The following GSE1 variants were observed in gnomAD, a reference collection of about 807,000 sequenced individuals.
GSE1 encodes the protein genetic suppressor element 1.
In GSE1, 32 loss-of-function variants were observed where a neutral mutation model predicts 112.6. That is an observed-to-expected ratio of 0.28 (90% confidence interval 0.21 to 0.38). The LOEUF (loss-of-function observed/expected upper bound fraction) is 0.38. Ranked by LOEUF, GSE1 falls within the 10% of genes least tolerant of loss-of-function variation. The probability of loss-of-function intolerance (pLI) is 1.00; values close to 1 mark genes in which losing one functional copy is unlikely to be tolerated. For synonymous variants in GSE1, 1,115 were observed against 735.6 expected, an observed-to-expected ratio of 1.52 and a Z score of -8.35; for missense variants, 2,348 against 1,699.2, an observed-to-expected ratio of 1.38 and a Z score of -6.71.
intron 1 of GSE1, among the ~76,000 whole-genome samples, chr16:85,576,199 G>A (rs761390649): frequency 8.5e-5 from 13 of 152,148 alleles, no homozygotes; most frequent in Non-Finnish European, 1.8e-4. Flanking sequence ...CTTTTACAAT[G>A]CAATTTATTT....
chr16:85,592,628 C>T (rs1385452417), intron 1 of GSE1: 1 of 152,234 alleles, frequency 6.6e-6, no homozygotes, highest in Non-Finnish European at 1.5e-5. Flanking sequence ...AATGCAGCCC[C>T]TCAAGGATGG....
intron 2 of GSE1, among the ~76,000 whole-genome samples, chr16:85,501,303 A>G (rs1198317089): frequency 6.6e-6 from 1 of 151,818 alleles, no homozygotes; most frequent in African/African-American, 2.4e-5. Context: ...CACCCAGCCA[A>G]GTATGGCCTC....
intron 1 of GSE1, among the ~76,000 whole-genome samples, chr16:85,282,244 T>A (rs1478330863): frequency 1.3e-5 from 2 of 152,066 alleles, no homozygotes; most frequent in Non-Finnish European, 2.9e-5. Flanking sequence ...GCCAGGAGGG[T>A]CTGGATCTCT....
At position 85,258,564 on chromosome 16, in the gene GSE1, G is replaced by A. The variant is rs1450493688; in HGVS notation, c.2283+86757G>A. The stretch of plus-strand genomic sequence containing the variant: ...CTTCCCGCCTGCCCTCCAGGTGGAG[G>A]GGGAGCTGGGTGCCAGGGCGCCTCT... On this transcript the variant is annotated intron_variant, in intron 1 of 2. Coordinates refer to the GSE1 transcript ENST00000637419. 3.9e-5 allele frequency among the ~76,000 whole-genome samples: 6 copies of A among 152,098 alleles called. No homozygotes were observed. The East Asian group carries it at 5.8e-4, about 15-fold the overall frequency.
At chr16:85,495,392 C>G (rs889169570) in intron 2 of GSE1, among the ~76,000 whole-genome samples, 5 of 152,108 alleles carry the variant, frequency 3.3e-5, no homozygotes, top group African/African-American at 1.2e-4. Context: ...TACTGTCTTG[C>G]TGGGTTTGAA....
intron 1 of GSE1, among the ~76,000 whole-genome samples, chr16:85,280,703 C>T (rs1597274413): frequency 6.6e-6 from 1 of 152,214 alleles, no homozygotes; most frequent in Non-Finnish European, 1.5e-5. Context: ...GCCACATGGT[C>T]TCTTTAATTT....
chr16:85,383,385 T>C (rs1050116901), intron 2 of GSE1, among the ~76,000 whole-genome samples: 3 of 149,326 alleles, frequency 2.0e-5, no homozygotes, highest in Non-Finnish European at 4.5e-5. Context: ...ACAGCACACA[T>C]ACACTCACAC....
chr16:85,293,358 C>T (rs1360827856), intron 1 of GSE1, among the ~76,000 whole-genome samples: 1 of 152,070 alleles, frequency 6.6e-6, no homozygotes, highest in African/African-American at 2.4e-5. Context: ...CCAGCCTGGT[C>T]AACATGGTGA....
rs577025704 is a variant in GSE1, at chr16:85,232,179, G to A, written c.2283+60372G>A. 1.4e-4 allele frequency among the ~76,000 whole-genome samples: 21 copies of A among 152,310 alleles called. No homozygotes were observed. The South Asian group carries it at 3.7e-3, about 27-fold the overall frequency. ...ATGTTTGTTTCAACAAGGCCACAGC[G>A]AGCCAAGCATTTTTATGACTCCTTC... On this transcript the variant is annotated intron_variant, in intron 1 of 2. Transcript: ENST00000637419.
intron 1 of GSE1, among the ~76,000 whole-genome samples, chr16:85,327,486 C>G (rs984619415): frequency 3.9e-5 from 6 of 152,080 alleles, no homozygotes; most frequent in Non-Finnish European, 5.9e-5. Flanking sequence ...ACCTGTAGTC[C>G]CAGCTACTCC....
chr16:85,636,367 G>A (rs905099233), intron 2 of GSE1, among the ~76,000 whole-genome samples: 4 of 152,168 alleles, frequency 2.6e-5, no homozygotes, highest in Admixed American at 2.0e-4. Context: ...GTCCTGGAAC[G>A]CCCTCAGCCA....
At chr16:85,512,185 G>A (rs1223812834) in intron 2 of GSE1, among the ~76,000 whole-genome samples, 1 of 152,206 alleles carries the variant, frequency 6.6e-6, no homozygotes, top group African/African-American at 2.4e-5. Context: ...TGTGAGGCAG[G>A]GGTGTGGCCC....
At chr16:85,248,449 C>T (rs1193603627) in intron 1 of GSE1, among the ~76,000 whole-genome samples, 3 of 151,776 alleles carry the variant, frequency 2.0e-5, no homozygotes, top group African/African-American at 7.3e-5. Flanking sequence ...CTCCCTTTTT[C>T]TCTCACGCTC....
chr16:85,613,430 TCCTCCCC>T, intron 1 of GSE1, 32 bp downstream of exon 1: 3 of 1,527,576 alleles, frequency 2.0e-6, no homozygotes, highest in South Asian at 1.2e-5. Context: ...GGGGACGGGG[TCCTCCCC>T]CCTCCCCCCA....
At chr16:85,493,684 C>T (rs187251362) in intron 2 of GSE1, among the ~76,000 whole-genome samples, 4 of 146,956 alleles carry the variant, frequency 2.7e-5, no homozygotes, top group South Asian at 2.2e-4. Flanking sequence ...ACCCGGGAGG[C>T]GGAGGTGGAG....
intron 2 of GSE1, among the ~76,000 whole-genome samples, chr16:85,496,206 A>G (rs1007439792): frequency 2.0e-5 from 3 of 152,154 alleles, no homozygotes; most frequent in Non-Finnish European, 2.9e-5. Context: ...TTTGCAGCCA[A>G]TGGCAATTCC....
chr16:85,572,323 C>A (rs1037457634), intron 1 of GSE1, among the ~76,000 whole-genome samples: 1 of 142,910 alleles, frequency 7.0e-6, no homozygotes, highest in East Asian at 2.1e-4. Context: ...ACACAACACA[C>A]CACACACACC....
intron 2 of GSE1, among the ~76,000 whole-genome samples, chr16:85,454,034 C>G (rs972613158): frequency 2.6e-5 from 4 of 152,202 alleles, no homozygotes; most frequent in Non-Finnish European, 5.9e-5. Flanking sequence ...CACGGGCATC[C>G]AGCTTCAGCC....
At chr16:85,652,506 G>A (rs920603059) in intron 3 of GSE1, among the ~76,000 whole-genome samples, 9 of 152,272 alleles carry the variant, frequency 5.9e-5, no homozygotes, top group South Asian at 4.1e-4. Context: ...GGCTCAGCCC[G>A]CGGGAAGGGA....
Sources: gnomAD v4.1 joint callset for allele counts (sites outside exome capture counted in the v4.1 genomes callset) on GRCh38, gnomAD v4.1.1 for gene constraint, MANE v1.5 for transcripts, NCBI Gene and HGNC (gene_info 2026-07-23, HGNC 2026-07-21) for gene names.